C10orf90: variants seen among roughly 807,000 people sequenced by gnomAD.
The protein encoded by C10orf90 is chromosome 10 open reading frame 90, also known as (E2-independent) E3 ubiquitin-conjugating enzyme FATS.
C10orf90 carries 56 observed loss-of-function variants against 62.5 expected under a neutral mutation model. The observed-to-expected ratio is 0.90, with a 90% CI of 0.72 to 1.12. The LOEUF is 1.12. Among genes scored for constraint, C10orf90 ranks in the 50% most tolerant of loss-of-function variants. C10orf90 has a pLI of 0.00. For missense variants in C10orf90, 970 were observed against 880.4 expected, an observed-to-expected ratio of 1.10 and a Z score of -1.29; for synonymous variants, 386 against 340.4, an observed-to-expected ratio of 1.13 and a Z score of -1.47.
Position 126,513,867 on chromosome 10 carries a change from G to A in C10orf90, c.386C>T (p.Ala129Val), listed in dbSNP as rs150924905. Residue 129 changes from alanine to valine, a missense_variant, in exon 3 of 10, where the codon GCA (alanine) becomes GTA (valine). Transcript: ENST00000488181. ...LKNLQSDVTE[A>V]KSDFTKETLA... is the part of the protein sequence containing the mutation. ...TGTTACCTTGGTGAAGTCAGATTTT[G>A]CCTCTGTGACATCAGACTGGAGATT... 2.0e-4 allele frequency: 315 copies of A among 1,609,862 alleles called. 1 individual carries two copies. In the African/African-American group the frequency reaches 2.8e-3, roughly 14 times the overall value.
At chr10:126,492,827 G>A (rs1564830448) in intron 4 of C10orf90, among the ~76,000 whole-genome samples, 1 of 152,182 alleles carries the variant, frequency 6.6e-6, no homozygotes, top group African/African-American at 2.4e-5. Flanking sequence ...GCAACTTGGA[G>A]TGTTATTTGG....
chr10:126,616,299 A>T (rs901211368), intron 2 of C10orf90, among the ~76,000 whole-genome samples: 1 of 152,210 alleles, frequency 6.6e-6, no homozygotes, highest in Non-Finnish European at 1.5e-5. Context: ...CCCTCTTCCG[A>T]CAAGCAATGG....
At chr10:126,502,707 G>T in intron 4 of C10orf90, 1 of 465,632 alleles carries the variant, frequency 2.1e-6, no homozygotes, top group Non-Finnish European at 4.3e-6. Context: ...CAATGCAGTG[G>T]TGTATTTCTG....
chr10:126,557,590 T>G lies in C10orf90; in HGVS notation c.314-43651A>C, dbSNP rs147293449. ...GGTCTGTCCTTTCCTCAGTCTACTT[T>G]GATACACATATACCATTTCTTTAGC... On this transcript the variant is annotated intron_variant, in intron 2 of 9. Transcript: ENST00000488181. 7.5e-3 allele frequency among the ~76,000 whole-genome samples: 1,141 copies of G among 152,278 alleles called. 25 individuals carry two copies. The highest frequency in any genetic ancestry group is 7.1e-3 in the Non-Finnish European group (483 of 68,026).
At chr10:126,614,524 G>T (rs1180715191) in intron 2 of C10orf90, among the ~76,000 whole-genome samples, 2 of 152,130 alleles carry the variant, frequency 1.3e-5, no homozygotes, top group Non-Finnish European at 2.9e-5. Context: ...CCCTTCCCCT[G>T]CCTGTGGATT....
At chr10:126,577,515 A>C (rs1004304082) in intron 2 of C10orf90, among the ~76,000 whole-genome samples, 1 of 152,068 alleles carries the variant, frequency 6.6e-6, no homozygotes, top group Admixed American at 6.5e-5. Context: ...AAATTATTGA[A>C]GTAGACAAAA....
intron 2 of C10orf90, among the ~76,000 whole-genome samples, chr10:126,593,219 A>G (rs898927463): frequency 2.0e-5 from 3 of 152,244 alleles, no homozygotes; most frequent in Non-Finnish European, 4.4e-5. Flanking sequence ...TCATTCTATT[A>G]TAAAGATACA....
At position 126,470,457 on chromosome 10, in the gene C10orf90, T is replaced by C. The variant is rs12259146; in HGVS notation, c.1535-5471A>G. ...CTTTTAAAAAACAAGAGGTTGAGCA[T>C]GGTGTCTCACACATGTAATCCCAGC... On this transcript the variant is annotated intron_variant, in intron 4 of 9. Transcript: ENST00000488181. Among the ~76,000 whole-genome samples the C allele has an allele frequency of 3.8e-3, 579 of 152,324 alleles. 4 individuals carry two copies. The highest frequency in any genetic ancestry group is 0.013 in the African/African-American group (534 of 41,582).
At position 126,582,833 on chromosome 10, in the gene C10orf90, A is replaced by G. The variant is rs894652423; in HGVS notation, c.313+63732T>C. Among the ~76,000 whole-genome samples, 4 of 152,190 alleles carry G rather than the reference A, an allele frequency of 2.6e-5. No homozygotes were observed. In the East Asian group the frequency reaches 7.7e-4, roughly 29 times the overall value. Reference sequence around the variant, plus strand: ...AGCCTTGAAATATAAGGTGTGTTGAACCACTTACAACTTGAAAATATATCT... The same window carrying G: ...AGCCTTGAAATATAAGGTGTGTTGAGCCACTTACAACTTGAAAATATATCT... On this transcript the variant is annotated intron_variant, in intron 2 of 9. Coordinates refer to ENST00000488181, the MANE Select transcript of C10orf90 (RefSeq NM_001350921.2).
intron 2 of C10orf90, among the ~76,000 whole-genome samples, chr10:126,530,025 T>A (rs1490164186): frequency 1.3e-5 from 2 of 152,164 alleles, no homozygotes; most frequent in Admixed American, 6.5e-5. Context: ...AAATGTAGTA[T>A]CTACATTAAA....
At position 126,461,494 on chromosome 10, in the gene C10orf90, G is replaced by A; in HGVS notation, c.1917C>T (p.Pro639=). 3 of 1,614,008 alleles carry A rather than the reference G, an allele frequency of 1.9e-6. No individual in the cohort carries two copies. Among genetic ancestry groups the A allele is most frequent in the Non-Finnish European group, 1.7e-6 (2 of 1,179,984 alleles). ...PTTPEPSPAA[P]SPAPRDGAGS... is the part of the protein sequence containing the mutation. ...CTGCTCCATCGCGGGGTGCTGGCGA[G>A]GGTGCTGCTGGGGAGGGCTCAGGTG... Residue 639 remains proline, a synonymous_variant, in exon 6 of 10, where the codon CCC becomes CCT. Coordinates refer to ENST00000488181, the MANE Select transcript of C10orf90 (RefSeq NM_001350921.2).
chr10:126,584,200 A>C (rs760010095), intron 2 of C10orf90, among the ~76,000 whole-genome samples: 1 of 152,022 alleles, frequency 6.6e-6, no homozygotes, highest in Non-Finnish European at 1.5e-5. Flanking sequence ...CTGCCTGTCA[A>C]TCTGTCCATC....
intron 7 of C10orf90, among the ~76,000 whole-genome samples, chr10:126,446,879 T>G (rs945625788): frequency 6.6e-6 from 1 of 151,872 alleles, no homozygotes; most frequent in Non-Finnish European, 1.5e-5. Flanking sequence ...ATCAAAAACA[T>G]AAAATGTGAG....
At position 126,504,200 on chromosome 10, in the gene C10orf90, G is replaced by A. The variant is rs201563352; in HGVS notation, c.1291C>T (p.Arg431Cys). ...CTTTCTTGTAAACCTGGGTTCCAGC[G>A]CTGGCCTACGAGGTCCTGGTCTCCC... ...LEGDQDLVGQRWNPGLQESHL... is the reference protein window; with the variant it reads ...LEGDQDLVGQCWNPGLQESHL... Residue 431 changes from arginine to cysteine, a missense_variant, in exon 4 of 10, where the codon CGC becomes TGC. By Grantham distance (180) the Arg-to-Cys change is radical (BLOSUM62 -3). Coordinates refer to ENST00000488181, the MANE Select transcript of C10orf90 (RefSeq NM_001350921.2). This position sits in a 1 kb window ranked among gnomAD's most constrained non-coding sequence, Gnocchi z 4.1. 38 of 1,613,996 alleles carry A rather than the reference G, an allele frequency of 2.4e-5. 3 individuals carry two copies. The South Asian group carries it at 4.2e-4, about 18-fold the overall frequency.
At chr10:126,603,890 T>G (rs763586146) in intron 2 of C10orf90, among the ~76,000 whole-genome samples, 4 of 152,126 alleles carry the variant, frequency 2.6e-5, no homozygotes, top group Non-Finnish European at 5.9e-5. Context: ...GAGGAGCCCA[T>G]CAAGGCCAGC....
chr10:126,541,083 G>T (rs1231068662), intron 2 of C10orf90, among the ~76,000 whole-genome samples: 1 of 152,110 alleles, frequency 6.6e-6, no homozygotes, highest in South Asian at 2.1e-4. Context: ...AGCCGTGAAA[G>T]ATGAAGAGCT....
intron 4 of C10orf90, among the ~76,000 whole-genome samples, chr10:126,483,541 A>C (rs552485045): frequency 4.7e-4 from 72 of 152,320 alleles, no homozygotes; most frequent in African/African-American, 1.7e-3. Context: ...ATGATCGGTG[A>C]TATTTTAGCC....
intron 1 of C10orf90, among the ~76,000 whole-genome samples, chr10:126,658,374 C>A (rs979434354): frequency 1.3e-5 from 2 of 152,138 alleles, no homozygotes; most frequent in Non-Finnish European, 2.9e-5. Context: ...CATCAGCAGG[C>A]CAAAGGGCAG....
At chr10:126,559,753 A>G (rs1462166227) in intron 2 of C10orf90, among the ~76,000 whole-genome samples, 1 of 152,246 alleles carries the variant, frequency 6.6e-6, no homozygotes, top group Non-Finnish European at 1.5e-5. Flanking sequence ...TTATGTGATA[A>G]GTACCAGCCA....
Sources: gnomAD v4.1 joint callset for allele counts (sites outside exome capture counted in the v4.1 genomes callset) on GRCh38, gnomAD v4.1.1 for gene constraint, Gnocchi (gnomAD v3.1) non-coding constraint, MANE v1.5 for transcripts, NCBI Gene and HGNC (gene_info 2026-07-23, HGNC 2026-07-21) for gene names.